The following MIDEAS variants were observed in gnomAD, a reference collection of about 807,000 sequenced individuals.
MIDEAS encodes the protein mitotic deacetylase associated SANT domain protein.
A neutral mutation model predicts 102.7 loss-of-function variants in MIDEAS; 26 were observed. The ratio of observed to expected loss-of-function variants is 0.25; its 90% CI spans 0.19 to 0.35. MIDEAS has a LOEUF of 0.35. MIDEAS is among the 10% of genes least tolerant of loss of function. MIDEAS has a pLI of 1.00. For synonymous variants in MIDEAS, 585 were observed against 591.0 expected (o/e 0.99, Z 0.15); for missense variants, 1,231 against 1,435.6 (o/e 0.86, Z 2.30).
chr14:73,727,173 G>C (rs1349004656), intron 5 of MIDEAS: 2 of 677,310 alleles, frequency 3.0e-6, no homozygotes, highest in Non-Finnish European at 4.9e-6. Flanking sequence ...GCTGGAGAGG[G>C]GAGAAGCAGC....
chr14:73,730,209 G>T, intron 3 of MIDEAS: 1 of 705,770 alleles, frequency 1.4e-6, no homozygotes, highest in East Asian at 2.7e-5. Context: ...AAATATTTTA[G>T]GCTTTGTGGG....
chr14:73,766,606 GTGGTGCAATCT>G, intron 1 of MIDEAS, among the ~76,000 whole-genome samples: 1 of 151,672 alleles, frequency 6.6e-6, no homozygotes. Flanking sequence ...CTGGAGTGCA[GTGGTGCAATCT>G]CGGCTCATTG....
At position 73,739,960 on chromosome 14, in the gene MIDEAS, G is replaced by A; in HGVS notation, c.49C>T (p.Leu17Phe). ...GGAGCTGGTTCCTGGCCCCCGAAGA[G>A]GCAACGCTTCCGCTTGTTCTGAGCC... ...PKAQNKRKRC[L>F]FGGQEPAPKE... Residue 17 changes from leucine to phenylalanine, a missense_variant, in exon 2 of 13, where the codon CTC becomes TTC. This residue lies in a region of MIDEAS where 758 missense variants were observed against 856.0 expected (regional missense o/e 0.89). Coordinates refer to ENST00000423556, the MANE Select transcript of MIDEAS (RefSeq NM_001367710.1). 1.3e-6 allele frequency: 2 copies of A among 1,514,166 alleles called. No individual in the cohort carries two copies. The highest frequency in any genetic ancestry group is 2.7e-5 in the South Asian group (2 of 74,670). The allele number at this position is 1,514,166 out of a possible 1,614,324, so 93.8% of individuals were successfully genotyped here.
intron 1 of MIDEAS, among the ~76,000 whole-genome samples, chr14:73,753,720 T>A (rs2140145416): frequency 6.6e-6 from 1 of 152,182 alleles, no homozygotes; most frequent in African/African-American, 2.4e-5. Flanking sequence ...AGACTCAAAG[T>A]CCTAGCAACA....
At chr14:73,771,539 AG>A (rs1241923723) in intron 1 of MIDEAS, among the ~76,000 whole-genome samples, 1 of 152,196 alleles carries the variant, frequency 6.6e-6, no homozygotes, top group Non-Finnish European at 1.5e-5. Flanking sequence ...TCAGAAGAAA[AG>A]GCTACTACAC....
chr14:73,781,452 A>C (rs1339878088), intron 1 of MIDEAS, among the ~76,000 whole-genome samples: 3 of 152,218 alleles, frequency 2.0e-5, no homozygotes, highest in Non-Finnish European at 4.4e-5. Context: ...AACTGACTTC[A>C]GGCCAGCCGC....
chr14:73,767,964 G>A (rs2053606028), intron 1 of MIDEAS, among the ~76,000 whole-genome samples: 1 of 152,110 alleles, frequency 6.6e-6, no homozygotes, highest in South Asian at 2.1e-4. Context: ...TTCAAGACCA[G>A]CCTGGGCCAC....
In MIDEAS at chr14:73,742,336, C is replaced by CCACGTGGCGGGTGGGCCTGGATG. The variant is rs1458678636; in HGVS notation, c.-247-2104_-247-2082dup. On this transcript the variant is annotated intron_variant, in intron 1 of 12. Transcript: ENST00000423556. This position sits in a 1 kb window ranked among gnomAD's most constrained non-coding sequence, Gnocchi z 4.4. ...CTTGAGGCCTGGAGCAAGGGAAGGT[C>CCACGTGGCGGGTGGGCCTGGATG]CACGTGGCGGGTGGGCCTGGATGCA... Among the ~76,000 whole-genome samples the CCACGTGGCGGGTGGGCCTGGATG allele has an allele frequency of 1.3e-5, 2 of 152,166 alleles. No homozygotes were observed. The highest frequency in any genetic ancestry group is 6.5e-5 in the Admixed American group (1 of 15,282).
intron 1 of MIDEAS, among the ~76,000 whole-genome samples, chr14:73,750,555 C>G (rs1472239201): frequency 6.6e-6 from 1 of 152,190 alleles, no homozygotes; most frequent in Non-Finnish European, 1.5e-5. Context: ...CAGAGGTGAG[C>G]TGGAGGCTGC....
rs1051959728 is a variant in MIDEAS, at chr14:73,716,322, C to G, written c.*2521G>C. On this transcript the variant is annotated 3_prime_UTR_variant, in exon 13 of 13. Transcript: ENST00000423556. ...AGAGAGGTACCATCTTGATTTTCCCCAGTTACATTCACCTGGTCTGGTCTC... is the reference window on the plus strand; with the variant it reads ...AGAGAGGTACCATCTTGATTTTCCCGAGTTACATTCACCTGGTCTGGTCTC... The G allele has an allele frequency of 6.6e-6, 1 of 152,074 alleles. No homozygotes were observed. Among genetic ancestry groups the G allele is most frequent in the African/African-American group, 2.4e-5 (1 of 41,384 alleles). The allele number at this position is 152,074 out of a possible 1,614,324, so 9.4% of individuals were successfully genotyped here.
upstream of MIDEAS, among the ~76,000 whole-genome samples, chr14:73,762,936 G>A (rs1168814393): frequency 6.6e-6 from 1 of 152,190 alleles, no homozygotes; most frequent in African/African-American, 2.4e-5. Context: ...GGTAGAATAT[G>A]GCAAATTTGA....
chr14:73,778,154 G>GGTCAGGAGTTCAA (rs2053708435), intron 1 of MIDEAS, among the ~76,000 whole-genome samples: 2 of 151,452 alleles, frequency 1.3e-5, no homozygotes, highest in East Asian at 3.9e-4. Context: ...CAGGAGTTCA[G>GGTCAGGAGTTCAA]GAGCAGCCTG....
intron 1 of MIDEAS, among the ~76,000 whole-genome samples, chr14:73,767,387 C>G (rs1324506729): frequency 6.6e-6 from 1 of 151,974 alleles, no homozygotes; most frequent in East Asian, 1.9e-4. Flanking sequence ...ATAATCCCAG[C>G]GCTTTGGGAG....
rs2052911736 is a variant in MIDEAS at position 73,717,624 on chromosome 14, T to G, written c.*1219A>C. 1 of 151,880 alleles carries G rather than the reference T, an allele frequency of 6.6e-6. No homozygotes were observed. The highest frequency in any genetic ancestry group is 6.6e-5 in the Admixed American group (1 of 15,204). The allele number at this position is 151,880 out of a possible 1,614,324, so 9.4% of individuals were successfully genotyped here. ...CTTAGGGCCTTGGGAATTTAGGGGGTGGGGATAGGGGATGTCAAGATGCCT... is the reference window on the plus strand; with the variant it reads ...CTTAGGGCCTTGGGAATTTAGGGGGGGGGGATAGGGGATGTCAAGATGCCT... On this transcript the variant is annotated 3_prime_UTR_variant, in exon 13 of 13. Transcript: ENST00000423556.
chr14:73,740,390 A>C (rs2053267953), intron 1 of MIDEAS, 135 bp from the exon 2 acceptor site: 1 of 397,082 alleles, frequency 2.5e-6, no homozygotes, highest in Non-Finnish European at 4.4e-6. Context: ...GCCCCAAGTC[A>C]CAGAGCAGCA....
chr14:73,790,128 G>A (rs1435417942), upstream of MIDEAS: 1 of 152,254 alleles, frequency 6.6e-6, no homozygotes, highest in Non-Finnish European at 1.5e-5. Context: ...ACTGCTGCCA[G>A]GGCGAGGGAG....
chr14:73,768,067 G>A (rs1248578801), intron 1 of MIDEAS, among the ~76,000 whole-genome samples: 2 of 152,132 alleles, frequency 1.3e-5, no homozygotes, highest in Non-Finnish European at 2.9e-5. Flanking sequence ...GGCTGAGTGG[G>A]GAGAATCGCT....
At chr14:73,738,231 A>G (rs2053229302) in intron 2 of MIDEAS, among the ~76,000 whole-genome samples, 1 of 152,014 alleles carries the variant, frequency 6.6e-6, no homozygotes, top group South Asian at 2.1e-4. Context: ...CCCTGTCTCT[A>G]CTAAAAATAC....
In MIDEAS at chr14:73,738,797, C is replaced by T; in HGVS notation, c.1212G>A (p.Leu404=). The change falls in exon 2 of 13, where the codon CTG becomes CTA. Residue 404 remains leucine (L), a synonymous_variant. Transcript: ENST00000423556. ...CATCAGGCAGTAGCTGCGACTCCCT[C>T]AGCTCCAGCGGGAATCCCAGAGCTT... ...HPEALGFPLE[L]RESQLLPDGE... 1 of 1,577,386 alleles carries T rather than the reference C, an allele frequency of 6.3e-7. No homozygotes were observed. The highest frequency in any genetic ancestry group is 8.6e-7 in the Non-Finnish European group (1 of 1,160,748).
Sources: allele counts gnomAD v4.1 joint callset (sites outside exome capture counted in the v4.1 genomes callset), GRCh38; gene constraint gnomAD v4.1.1; regional missense constraint gnomAD v4.1.1; non-coding constraint Gnocchi (gnomAD v3.1); transcripts MANE v1.5; gene names NCBI Gene and HGNC (gene_info 2026-07-23, HGNC 2026-07-21).